Variants in SEC13 observed in about 807,000 individuals in gnomAD.
SEC13 encodes the protein SEC13 homolog, nuclear pore and COPII component, also known as protein SEC13 homolog.
SEC13 carries 25 observed loss-of-function variants against 49.2 expected under a neutral mutation model. The ratio of observed to expected loss-of-function variants is 0.51; its 90% CI spans 0.37 to 0.71. The LOEUF (loss-of-function observed/expected upper bound fraction) is 0.71, where lower values mean the gene tolerates loss of function less well. SEC13 is among the 30% of genes least tolerant of loss of function. The pLI is 0.00. For synonymous variants in SEC13, 148 were observed against 163.9 expected, an observed-to-expected ratio of 0.90 and a Z score of 0.74; for missense variants, 383 against 417.6, an observed-to-expected ratio of 0.92 and a Z score of 0.72.
At position 10,315,145 on chromosome 3, in the gene SEC13, C is replaced by T. The variant is rs1574887689; in HGVS notation, c.164+176G>A. On this transcript the variant is annotated intron_variant, in intron 3 of 8. Coordinates refer to ENST00000350697, the MANE Select transcript of SEC13 (RefSeq NM_183352.3). ...CCACCTGTGCCCTTAACAGCATCAT[C>T]CCTGGGGACGTCCGCTGAGGACAGC... The T allele has an allele frequency of 2.0e-5, 12 of 586,032 alleles. No homozygotes were observed. The East Asian group carries it at 3.2e-4, about 16-fold the overall frequency. 36.3% of individuals were successfully genotyped at this position (586,032 alleles called of 1,614,324 possible).
chr3:10,319,084 T>G (rs2059717007), intron 1 of SEC13: 1 of 1,471,742 alleles, frequency 6.8e-7, no homozygotes, highest in Non-Finnish European at 9.2e-7. Flanking sequence ...CTTAAATTCT[T>G]GGGATAGAAA....
intron 5 of SEC13, among the ~76,000 whole-genome samples, chr3:10,306,993 C>T (rs773522847): frequency 7.2e-5 from 11 of 152,170 alleles, no homozygotes; most frequent in Non-Finnish European, 1.6e-4. Context: ...TTGATTCTTT[C>T]TGAACTGGTT....
At chr3:10,305,730 G>C in intron 5 of SEC13, 38 bp from the exon 6 acceptor site, 1 of 1,612,160 alleles carries the variant, frequency 6.2e-7, no homozygotes, top group South Asian at 1.1e-5. Flanking sequence ...TGCCTTGCAA[G>C]AGAACACTGC....
chr3:10,305,350 CAAAG>C lies in SEC13; in HGVS notation c.585-198_585-195del. ...CCAGAAAATGCTCTGCTTCCACAGC[CAAAG>C]AGTCAGCTCCAACAGTTGGGAATTA... On this transcript the variant is annotated intron_variant, in intron 6 of 8. Transcript: ENST00000350697. The C allele has an allele frequency of 3.7e-6, 4 of 1,081,132 alleles. 1 individual carries two copies. The highest frequency in any genetic ancestry group is 5.2e-6 in the Non-Finnish European group (4 of 768,598). The allele number at this position is 1,081,132 out of a possible 1,614,324, so 67.0% of individuals were successfully genotyped here.
At chr3:10,320,696 T>C in intron 1 of SEC13, 1 of 1,143,040 alleles carries the variant, frequency 8.7e-7, no homozygotes, top group Non-Finnish European at 1.1e-6. Flanking sequence ...AGCACCTTCT[T>C]CACAAGGCTG....
intron 3 of SEC13, 161 bp downstream of exon 3, chr3:10,315,160 C>G: frequency 1.6e-6 from 1 of 606,606 alleles, no homozygotes; most frequent in Non-Finnish European, 3.0e-6. Context: ...GGGACGTCCG[C>G]TGAGGACAGC....
At chr3:10,303,552 A>G (rs1347965179) in intron 8 of SEC13, 1 of 219,064 alleles carries the variant, frequency 4.6e-6, no homozygotes, top group East Asian at 1.2e-4. Flanking sequence ...AAACTCTTCC[A>G]GTGCACCCAC....
intron 5 of SEC13, among the ~76,000 whole-genome samples, chr3:10,310,860 G>C (rs1318967245): frequency 6.6e-6 from 1 of 152,100 alleles, no homozygotes; most frequent in Non-Finnish European, 1.5e-5. Flanking sequence ...ATTCACAATG[G>C]AGTATTATCC....
intron 8 of SEC13, chr3:10,303,647 A>G (rs555020278): frequency 6.9e-6 from 2 of 290,658 alleles, no homozygotes; most frequent in South Asian, 7.6e-5. Context: ...TGGACAAAAA[A>G]TATCCCCAAT....
rs200402471 is a variant in SEC13 at position 10,312,746 on chromosome 3, T to C, written c.165-16A>G. On this transcript the variant is annotated splice_polypyrimidine_tract_variant and intron_variant, in intron 3 of 8. Coordinates refer to ENST00000350697, the MANE Select transcript of SEC13 (RefSeq NM_183352.3). ...ACCCTCATGACTACAAAGGGAGAGA[T>C]AGGCCAGAGGAACCCACAGTGCCTC... is the stretch of plus-strand genomic sequence containing the variant. The C allele has an allele frequency of 4.3e-6, 7 of 1,613,872 alleles. No individual in the cohort carries two copies. Among genetic ancestry groups the C allele is most frequent in the South Asian group, 1.1e-5 (1 of 91,058 alleles).
At position 10,311,949 on chromosome 3, in the gene SEC13, C is replaced by T. The variant is rs746026111; in HGVS notation, c.450+16G>A. 1 of 1,614,200 alleles carries T rather than the reference C, an allele frequency of 6.2e-7. No homozygotes were observed. ...GCAGGCGCTCTCACTGCACGAAAGG[C>T]AGGGGATGGACTCACGGTGTGAGCG... On this transcript the variant is annotated intron_variant, in intron 5 of 8. Coordinates refer to ENST00000350697, the MANE Select transcript of SEC13 (RefSeq NM_183352.3).
intron 3 of SEC13, 185 bp downstream of exon 3, chr3:10,315,136 C>T (rs1701521088): frequency 1.8e-6 from 1 of 568,742 alleles, no homozygotes; most frequent in Non-Finnish European, 3.2e-6. Flanking sequence ...GTGCCCTTAA[C>T]AGCATCATCC....
intron 2 of SEC13, 22 bp downstream of exon 2, chr3:10,318,028 G>C (rs1201233035): frequency 6.4e-7 from 1 of 1,570,056 alleles, no homozygotes; most frequent in Non-Finnish European, 8.8e-7. Context: ...ACCCCTCCAG[G>C]GAGGGTGATA....
chr3:10,312,497 A>G, intron 4 of SEC13, 82 bp downstream of exon 4: 1 of 1,493,796 alleles, frequency 6.7e-7, no homozygotes, highest in Non-Finnish European at 9.1e-7. Flanking sequence ...CACGAGGGGC[A>G]GGGAGCCAGG....
intron 5 of SEC13, among the ~76,000 whole-genome samples, chr3:10,310,728 T>C (rs1041838000): frequency 6.6e-6 from 1 of 152,206 alleles, no homozygotes; most frequent in Non-Finnish European, 1.5e-5. Context: ...CACCTAGGTA[T>C]AGACCCAAGA....
intron 5 of SEC13, among the ~76,000 whole-genome samples, chr3:10,308,091 A>G (rs1473889564): frequency 2.0e-5 from 3 of 152,242 alleles, no homozygotes; most frequent in Non-Finnish European, 4.4e-5. Flanking sequence ...GATATAGTAT[A>G]ATTGACATAA....
rs112305021 is a variant in SEC13, at chr3:10,315,241, T to TGCTTTGCTCCCAC, written c.164+67_164+79dup. The TGCTTTGCTCCCAC allele has an allele frequency of 4.8e-6, 5 of 1,042,926 alleles. 1 individual carries two copies. The African/African-American group carries it at 6.3e-5, about 13-fold the overall frequency. 64.6% of individuals were successfully genotyped at this position (1,042,926 alleles called of 1,614,324 possible). On this transcript the variant is annotated intron_variant, in intron 3 of 8. Transcript: ENST00000350697. Reference sequence around the variant, plus strand: ...GGGTTGCTCTGAATCTGGGCTCCCATGCTTTGCTCCCACGCTTGAAGCAGG... The same window carrying TGCTTTGCTCCCAC: ...GGGTTGCTCTGAATCTGGGCTCCCATGCTTTGCTCCCACGCTTTGCTCCCACGCTTGAAGCAGG...
chr3:10,312,229 C>T (rs1701318045), intron 4 of SEC13, 131 bp from the exon 5 acceptor site: 2 of 1,422,512 alleles, frequency 1.4e-6, no homozygotes, highest in Non-Finnish European at 1.8e-6. Context: ...GAAGCTGTAA[C>T]TTGGTCAACT....
chr3:10,312,465 TCAAGAGACAGA>T, intron 4 of SEC13, 103 bp downstream of exon 4: 2 of 1,321,962 alleles, frequency 1.5e-6, no homozygotes, highest in East Asian at 4.6e-5. Context: ...CAACCAAAGC[TCAAGAGACAGA>T]CAAGAGGCAC....
Sources: allele counts gnomAD v4.1 joint callset (sites outside exome capture counted in the v4.1 genomes callset), GRCh38; gene constraint gnomAD v4.1.1; transcripts MANE v1.5; gene names NCBI Gene and HGNC (gene_info 2026-07-23, HGNC 2026-07-21).